Variants in SYP observed in about 807,000 individuals in gnomAD.
SYP encodes synaptophysin, also known as major synaptic vesicle protein P38.
SYP carries 2 observed loss-of-function variants against 24.3 expected under a neutral mutation model. The ratio of observed to expected loss-of-function variants is 0.08; its 90% CI spans 0.03 to 0.26. SYP has a LOEUF of 0.26. Among genes scored for constraint, SYP ranks in the 10% least tolerant of loss-of-function variants. The pLI is 1.00. For missense variants in SYP, 216 were observed against 266.3 expected, an observed-to-expected ratio of 0.81 and a Z score of 1.32; for synonymous variants, 143 against 123.2, an observed-to-expected ratio of 1.16 and a Z score of -1.07.
intron 3 of SYP, among the ~76,000 whole-genome samples, chrX:49,196,696 G>A (rs1463202223): frequency 2.7e-5 from 3 of 111,708 alleles, no homozygotes; most frequent in Non-Finnish European, 5.6e-5. Context: ...GTGTCTGTGG[G>A]TCTCTGTCAT....
chrX:49,198,208 C>G (rs2065535917), intron 2 of SYP: 1 of 246,043 alleles, frequency 4.1e-6, no homozygotes, highest in Non-Finnish European at 7.3e-6. Context: ...CTGATCCTCT[C>G]TGCCTCTGCC....
chrX:49,198,145 G>C (rs2065535607), intron 2 of SYP: 2 of 335,251 alleles, frequency 6.0e-6, no homozygotes, highest in Admixed American at 1.0e-4. Context: ...CGGTATCTCT[G>C]TTTCTCTATG....
chrX:49,193,110 A>C (rs1557102951), intron 5 of SYP, among the ~76,000 whole-genome samples, 162 bp downstream of exon 5: 1 of 112,274 alleles, frequency 8.9e-6, no homozygotes, highest in Non-Finnish European at 1.9e-5. Context: ...CACAGTGGTT[A>C]CAATTGCTAG....
intron 5 of SYP, 60 bp from the exon 6 acceptor site, chrX:49,191,823 C>T (rs2065510812): frequency 9.0e-7 from 1 of 1,106,706 alleles, no homozygotes; most frequent in Non-Finnish European, 1.2e-6. Context: ...GCCCTGCGTG[C>T]AGGAATGAGC....
intron 3 of SYP, 196 bp downstream of exon 3, chrX:49,197,519 C>T (rs1602613005): frequency 7.3e-6 from 4 of 551,228 alleles, no homozygotes; most frequent in Non-Finnish European, 1.2e-5. Context: ...AGGGCCACAG[C>T]CTATGTCTGC....
chrX:49,195,121 C>T (rs1046156347), intron 3 of SYP, among the ~76,000 whole-genome samples: 1 of 111,074 alleles, frequency 9.0e-6, no homozygotes, highest in African/African-American at 3.3e-5. Flanking sequence ...CTTAGCCTGG[C>T]TTCCTTGCTC....
chrX:49,195,235 TGTTTTCACCTCC>T (rs782027005), intron 3 of SYP, among the ~76,000 whole-genome samples: 289 of 109,506 alleles, frequency 2.6e-3, no homozygotes, highest in Non-Finnish European at 4.0e-3. Flanking sequence ...CTTTTTCCTG[TGTTTTCACCTCC>T]GTTTATCTCC....
intron 5 of SYP, among the ~76,000 whole-genome samples, chrX:49,192,914 G>T (rs1172165011): frequency 8.9e-6 from 1 of 111,772 alleles, no homozygotes; most frequent in Non-Finnish European, 1.9e-5. Context: ...AGCGCAGACA[G>T]TCTGACTCCA....
At chrX:49,197,868 A>G (rs782225767) in intron 2 of SYP, 29 bp from the exon 3 acceptor site, 1 of 1,208,203 alleles carries the variant, frequency 8.3e-7, no homozygotes, top group South Asian at 1.8e-5. Flanking sequence ...GGATGGCCAC[A>G]GTGAACCTGT....
chrX:49,191,399 CCCT>C, intron 6 of SYP, 31 bp downstream of exon 6: 1 of 1,195,636 alleles, frequency 8.4e-7, no homozygotes, highest in Non-Finnish European at 1.1e-6. Flanking sequence ...CTTCCTTGTA[CCCT>C]CCTTGGCCGC....
At position 49,191,687 on chromosome X, in the gene SYP, G is replaced by A. The variant is rs1396113897; in HGVS notation, c.692C>T (p.Pro231Leu). 2.5e-6 allele frequency: 3 copies of A among 1,205,742 alleles called. No homozygotes were observed. In the African/African-American group the frequency reaches 5.2e-5, roughly 21 times the overall value. ...FVFKETGWAAPFLRAPPGAPE... is the reference protein window; with the variant it reads ...FVFKETGWAALFLRAPPGAPE... Reference sequence around the variant, plus strand: ...GGCGCCGGGAGGCGCGCGCAGGAACGGGGCGGCCCAGCCTGTCTCCTTAAA... The same window carrying A: ...GGCGCCGGGAGGCGCGCGCAGGAACAGGGCGGCCCAGCCTGTCTCCTTAAA... The change falls in exon 6 of 7, where the codon CCG becomes CTG. Residue 231 changes from proline (P) to leucine (L), a missense_variant. Physicochemically the swap from Pro to Leu is moderately conservative, Grantham distance 98. Transcript: ENST00000263233.
chrX:49,198,667 T>A (rs1407732405), intron 2 of SYP: 1 of 353,275 alleles, frequency 2.8e-6, no homozygotes, highest in Non-Finnish European at 5.0e-6. Flanking sequence ...ACTTTGCATC[T>A]CTCACCCAGC....
rs192881938 is a variant in SYP at position 49,195,969 on chromosome X, G to A, written c.228-1608C>T. Among the ~76,000 whole-genome samples, 157 of 111,595 alleles carry A rather than the reference G, an allele frequency of 1.4e-3. 1 individual carries two copies. The highest frequency in any genetic ancestry group is 4.9e-3 in the African/African-American group (151 of 30,663). ...CTGGGTTTGAGTTTCTGTTTCTAGT[G>A]GGCTGGGTCAGGAGAGGGGGTCCCT... On this transcript the variant is annotated intron_variant, in intron 3 of 6. Coordinates refer to ENST00000263233, the MANE Select transcript of SYP (RefSeq NM_003179.3).
intron 3 of SYP, 158 bp downstream of exon 3, chrX:49,197,557 A>G (rs1557103454): frequency 1.3e-6 from 1 of 780,417 alleles, no homozygotes; most frequent in Admixed American, 2.8e-5. Flanking sequence ...CCTAGAGTCC[A>G]GAGCAGTGCC....
At chrX:49,197,942 A>T in intron 2 of SYP, 103 bp from the exon 3 acceptor site, 1 of 1,094,984 alleles carries the variant, frequency 9.1e-7, no homozygotes, top group Non-Finnish European at 1.3e-6. Flanking sequence ...GCAGCAGCAG[A>T]TGGAGCAGTC....
At chrX:49,197,398 T>C (rs2065532320) in intron 3 of SYP, 3 of 281,874 alleles carry the variant, frequency 1.1e-5, no homozygotes, top group Non-Finnish European at 1.9e-5. Context: ...AATAATAATA[T>C]TGGCTAACAT....
rs1295169164 is a variant in SYP, at chrX:49,188,606, T to G, written c.*681A>C. 1 of 110,921 alleles carries G rather than the reference T, an allele frequency of 9.0e-6. No individual in the cohort carries two copies. The highest frequency in any genetic ancestry group is 3.3e-5 in the African/African-American group (1 of 30,312). The allele number at this position is 110,921 out of a possible 1,213,427, so 9.1% of individuals were successfully genotyped here. On this transcript the variant is annotated 3_prime_UTR_variant, in exon 7 of 7. Coordinates refer to ENST00000263233, the MANE Select transcript of SYP (RefSeq NM_003179.3). ...CTGGAGCCCACCATTCTGCCTCGCT[T>G]AAAGCCTCGCCCCTTCTAGAACCCT...
At chrX:49,199,124 G>A (rs2065540260) in intron 1 of SYP, 91 bp from the exon 2 acceptor site, 3 of 907,689 alleles carry the variant, frequency 3.3e-6, no homozygotes, top group Non-Finnish European at 4.7e-6. Context: ...CCAGGGGATG[G>A]AGCATGTGAC....
At chrX:49,197,301 G>T in intron 3 of SYP, 1 of 152,268 alleles carries the variant, frequency 6.6e-6, no homozygotes, top group East Asian at 1.8e-4. Flanking sequence ...GTCTGTTTTA[G>T]TTACTATCAT....
Sources: gnomAD v4.1 joint callset for allele counts (sites outside exome capture counted in the v4.1 genomes callset) on GRCh38, gnomAD v4.1.1 for gene constraint, MANE v1.5 for transcripts, NCBI Gene and HGNC (gene_info 2026-07-23, HGNC 2026-07-21) for gene names.